Variants in CPEB3 observed in about 807,000 individuals in gnomAD.
CPEB3 encodes the protein cytoplasmic polyadenylation element-binding protein 3.
In CPEB3, 20 loss-of-function variants were observed where a neutral mutation model predicts 67.2. The ratio of observed to expected loss-of-function variants is 0.30; its 90% CI spans 0.21 to 0.43. The LOEUF is 0.43. Among genes scored for constraint, CPEB3 ranks in the 20% least tolerant of loss-of-function variants. The pLI, the probability that CPEB3 is intolerant of heterozygous loss-of-function variation, is 1.00. For synonymous variants in CPEB3, 376 were observed against 393.1 expected, an observed-to-expected ratio of 0.96 and a Z score of 0.51; for missense variants, 746 against 968.6, an observed-to-expected ratio of 0.77 and a Z score of 3.05.
At chr10:92,073,389 CATGCCTATAA>C (rs1338691928) in intron 9 of CPEB3, among the ~76,000 whole-genome samples, 3 of 152,000 alleles carry the variant, frequency 2.0e-5, no homozygotes, top group African/African-American at 7.2e-5. Context: ...CACAGTGACT[CATGCCTATAA>C]TCCCAGCACT....
chr10:92,226,312 A>T (rs971820649), intron 2 of CPEB3, among the ~76,000 whole-genome samples: 2 of 152,196 alleles, frequency 1.3e-5, no homozygotes, highest in African/African-American at 2.4e-5. Context: ...TGTTGCACAC[A>T]ACACACTCTT....
intron 6 of CPEB3, among the ~76,000 whole-genome samples, chr10:92,116,267 A>T (rs1392915070): frequency 4.1e-5 from 6 of 147,592 alleles, no homozygotes; most frequent in Non-Finnish European, 7.5e-5. Flanking sequence ...AAAAAAAAAA[A>T]TAATAATAAT....
intron 2 of CPEB3, among the ~76,000 whole-genome samples, chr10:92,236,116 T>C (rs1851518788): frequency 1.3e-5 from 2 of 152,234 alleles, no homozygotes; most frequent in African/African-American, 4.8e-5. Flanking sequence ...TCTTGAGCTC[T>C]GTTGCTGAGA....
intron 6 of CPEB3, among the ~76,000 whole-genome samples, chr10:92,130,416 A>G (rs1845792008): frequency 6.6e-6 from 1 of 152,058 alleles, no homozygotes; most frequent in East Asian, 1.9e-4. Flanking sequence ...TGTGACTTTT[A>G]TGCCTTCCTT....
intron 6 of CPEB3, among the ~76,000 whole-genome samples, chr10:92,123,527 A>T (rs983568526): frequency 2.0e-5 from 3 of 152,232 alleles, no homozygotes; most frequent in Admixed American, 2.0e-4. Flanking sequence ...TGAGGCTTAA[A>T]GGTTAAATTA....
intron 5 of CPEB3, 74 bp from the exon 6 acceptor site, chr10:92,143,192 A>G: frequency 9.0e-7 from 1 of 1,107,228 alleles, no homozygotes; most frequent in Non-Finnish European, 1.3e-6. Context: ...AGCACAAAAC[A>G]TGTCTTTTTA....
chr10:92,186,530 G>A (rs981751279), intron 3 of CPEB3, among the ~76,000 whole-genome samples: 9 of 151,394 alleles, frequency 5.9e-5, no homozygotes, highest in Non-Finnish European at 8.8e-5. Flanking sequence ...CACCTCGTGG[G>A]TTCAAGCGAT....
chr10:92,189,026 CT>C (rs1302777483), intron 3 of CPEB3, among the ~76,000 whole-genome samples: 1 of 152,064 alleles, frequency 6.6e-6, no homozygotes, highest in African/African-American at 2.4e-5. Context: ...CATGCTAATC[CT>C]TTTTTCCCCT....
At chr10:92,168,939 G>A (rs1194556569) in intron 4 of CPEB3, among the ~76,000 whole-genome samples, 4 of 148,140 alleles carry the variant, frequency 2.7e-5, no homozygotes, top group Non-Finnish European at 3.0e-5. Flanking sequence ...GGGATTACAG[G>A]TGCATGCCAC....
intron 7 of CPEB3, among the ~76,000 whole-genome samples, chr10:92,095,337 T>G (rs896469413): frequency 6.6e-6 from 1 of 151,068 alleles, no homozygotes; most frequent in Non-Finnish European, 1.5e-5. Flanking sequence ...CTGTCACCTC[T>G]GCAGAATTAA....
chr10:92,118,735 T>C (rs1330208092), intron 6 of CPEB3: 2 of 746,876 alleles, frequency 2.7e-6, no homozygotes, highest in Non-Finnish European at 5.0e-6. Flanking sequence ...TCAGAAATGC[T>C]GTTCCTTTGG....
At chr10:92,066,423 G>T (rs74149365) in intron 9 of CPEB3, among the ~76,000 whole-genome samples, 4,059 of 152,134 alleles carry the variant, frequency 0.027, 163 homozygotes, top group African/African-American at 0.091. Context: ...AAATAAATAA[G>T]TAAATAAATA....
chr10:92,285,985 G>C (rs1184056485), intron 1 of CPEB3, among the ~76,000 whole-genome samples: 1 of 150,884 alleles, frequency 6.6e-6, no homozygotes, highest in Non-Finnish European at 1.5e-5. Context: ...CCCCAGGCTG[G>C]AGTGCAGTGG....
At chr10:92,216,296 C>T (rs188192921) in intron 2 of CPEB3, 35 of 1,557,938 alleles carry the variant, frequency 2.2e-5, no homozygotes, top group Non-Finnish European at 3.0e-5. Context: ...TTTGGCTGGG[C>T]AGCCTCCCTG....
At chr10:92,116,265 A>AAAAT (rs1554889853) in intron 6 of CPEB3, among the ~76,000 whole-genome samples, 9 of 145,836 alleles carry the variant, frequency 6.2e-5, no homozygotes, top group East Asian at 4.0e-4. Context: ...AAAAAAAAAA[A>AAAAT]AATAATAATA....
intron 1 of CPEB3, among the ~76,000 whole-genome samples, chr10:92,247,819 A>T (rs1402484674): frequency 6.6e-6 from 1 of 152,136 alleles, no homozygotes; most frequent in East Asian, 1.9e-4. Flanking sequence ...GCCAAAAAAG[A>T]GGCACTTTCT....
At chr10:92,155,249 T>C (rs1304739829) in intron 4 of CPEB3, among the ~76,000 whole-genome samples, 2 of 152,170 alleles carry the variant, frequency 1.3e-5, no homozygotes, top group African/African-American at 4.8e-5. Flanking sequence ...ATGTAACACA[T>C]AGAAAATAAG....
intron 8 of CPEB3, among the ~76,000 whole-genome samples, chr10:92,082,389 C>T (rs1843191619): frequency 6.6e-6 from 1 of 152,162 alleles, no homozygotes; most frequent in Non-Finnish European, 1.5e-5. Flanking sequence ...AGTGATTCTC[C>T]TGCCTCAGCC....
chr10:92,058,592 C>CAT (rs58100356), intron 9 of CPEB3, among the ~76,000 whole-genome samples: 122 of 140,384 alleles, frequency 8.7e-4, no homozygotes, highest in African/African-American at 1.4e-3. Flanking sequence ...TACATACATA[C>CAT]ATATATATAT....
Sources: allele counts gnomAD v4.1 joint callset (sites outside exome capture counted in the v4.1 genomes callset), GRCh38; gene constraint gnomAD v4.1.1; transcripts MANE v1.5; gene names NCBI Gene and HGNC (gene_info 2026-07-23, HGNC 2026-07-21).